The following SPATA6L variants were observed in gnomAD, a reference collection of about 807,000 sequenced individuals.
SPATA6L encodes spermatogenesis associated 6-like protein.
SPATA6L carries 68 observed loss-of-function variants against 49.2 expected under a neutral mutation model. That is an observed-to-expected ratio of 1.38 (90% CI 1.14 to 1.69). The LOEUF is 1.69. Among genes scored for constraint, SPATA6L ranks in the 40% most tolerant of loss-of-function variants. The pLI is 0.00. For missense variants in SPATA6L, 668 were observed against 464.3 expected (o/e 1.44, Z -4.03); for synonymous variants, 198 against 165.7 (o/e 1.19, Z -1.50).
chr9:4,621,598 C>T (rs190293028), intron 7 of SPATA6L, among the ~76,000 whole-genome samples: 9 of 152,268 alleles, frequency 5.9e-5, no homozygotes, highest in Non-Finnish European at 2.9e-5. Context: ...AAGCGATTCT[C>T]CTGCCTCAGC....
At chr9:4,618,928 G>T in intron 7 of SPATA6L, 30 bp from the exon 8 acceptor site, 1 of 1,608,296 alleles carries the variant, frequency 6.2e-7, no homozygotes, top group South Asian at 1.1e-5. Context: ...GCATTTCAAT[G>T]ACTCATTATT....
intron 9 of SPATA6L, among the ~76,000 whole-genome samples, chr9:4,613,793 A>C (rs1395989973): frequency 6.6e-6 from 1 of 152,162 alleles, no homozygotes; most frequent in Non-Finnish European, 1.5e-5. Context: ...CTTGTTGGCC[A>C]GGCTGGTCTT....
At chr9:4,651,663 T>A (rs1369759531) in intron 3 of SPATA6L, among the ~76,000 whole-genome samples, 2 of 149,660 alleles carry the variant, frequency 1.3e-5, no homozygotes, top group African/African-American at 2.5e-5. Context: ...GTTTAATATC[T>A]AAAAATCACA....
At chr9:4,612,935 T>C (rs1360860028) in intron 9 of SPATA6L, among the ~76,000 whole-genome samples, 1 of 152,110 alleles carries the variant, frequency 6.6e-6, no homozygotes, top group Non-Finnish European at 1.5e-5. Context: ...CAAAGAATTA[T>C]AGCCACTTGG....
downstream of SPATA6L, among the ~76,000 whole-genome samples, chr9:4,596,136 G>A (rs1341928837): frequency 1.3e-5 from 2 of 152,140 alleles, no homozygotes; most frequent in Non-Finnish European, 2.9e-5. Flanking sequence ...CTCGTTTAAG[G>A]TCTCATTGCC....
intron 3 of SPATA6L, among the ~76,000 whole-genome samples, chr9:4,640,409 C>A (rs1392708660): frequency 1.3e-5 from 2 of 152,088 alleles, no homozygotes; most frequent in Non-Finnish European, 2.9e-5. Flanking sequence ...CATAACATGT[C>A]TTTTGAGTAT....
chr9:4,604,291 CA>C, intron 10 of SPATA6L, 22 bp from the exon 11 acceptor site: 1 of 1,501,662 alleles, frequency 6.7e-7, no homozygotes, highest in Non-Finnish European at 9.3e-7. Flanking sequence ...ACAAATCCAG[CA>C]ATTATGTTAC....
chr9:4,659,760 G>A (rs1406385872), intron 2 of SPATA6L, among the ~76,000 whole-genome samples: 21 of 152,102 alleles, frequency 1.4e-4, no homozygotes, highest in Non-Finnish European at 2.9e-4. Flanking sequence ...GAAGCATCAC[G>A]CTACCTGACT....
chr9:4,623,727 C>A (rs1312945186), intron 6 of SPATA6L, among the ~76,000 whole-genome samples: 2 of 152,090 alleles, frequency 1.3e-5, no homozygotes, highest in Non-Finnish European at 2.9e-5. Context: ...AAGTTTTAAT[C>A]CCCTAAGAAA....
Position 4,662,550 on chromosome 9 carries a change from C to A in SPATA6L, c.40-514G>T. The stretch of plus-strand genomic sequence containing the variant: ...CGTGGACCCCACCTGCGCCCGGCTC[C>A]GTGCATCGGAGAGCCCAGTTCACCG... On this transcript the variant is annotated intron_variant, in intron 1 of 11. Coordinates refer to ENST00000682582, the MANE Select transcript of SPATA6L (RefSeq NM_001353486.2). This position sits in a 1 kb window ranked among gnomAD's most constrained non-coding sequence, Gnocchi z 4.9. The A allele has an allele frequency of 1.3e-6, 2 of 1,574,140 alleles. No homozygotes were observed. The highest frequency in any genetic ancestry group is 1.7e-6 in the Non-Finnish European group (2 of 1,169,396).
chr9:4,655,386 T>C (rs955807859), intron 3 of SPATA6L, among the ~76,000 whole-genome samples: 2 of 152,226 alleles, frequency 1.3e-5, no homozygotes, highest in African/African-American at 4.8e-5. Context: ...CTAGGAGGGC[T>C]GGTGGGGAAT....
chr9:4,642,034 C>G (rs1210125212), intron 3 of SPATA6L, among the ~76,000 whole-genome samples: 1 of 152,214 alleles, frequency 6.6e-6, no homozygotes, highest in East Asian at 1.9e-4. Context: ...TCTCAAAGTG[C>G]TGGGATTACA....
rs1254618338 is a variant in SPATA6L, at chr9:4,600,543, C to G, written c.*268G>C. The stretch of plus-strand genomic sequence containing the variant: ...CAGATAAGCACCTGCCACCCAACTA[C>G]AGCGCTTTCTCTTTCATGTTCAAAA... On this transcript the variant is annotated 3_prime_UTR_variant, in exon 12 of 12. Transcript: ENST00000682582. The G allele has an allele frequency of 7.4e-6, 1 of 134,732 alleles. No individual in the cohort carries two copies. The highest frequency in any genetic ancestry group is 1.7e-5 in the Non-Finnish European group (1 of 60,422). The allele number at this position is 134,732 out of a possible 1,614,324, so 8.3% of individuals were successfully genotyped here.
chr9:4,591,641 A>G (rs1821905148), intron 13 of SPATA6L, among the ~76,000 whole-genome samples: 1 of 152,336 alleles, frequency 6.6e-6, no homozygotes, highest in East Asian at 1.9e-4. Context: ...AGAAAGGTTA[A>G]GGTAGAAAGA....
At chr9:4,648,621 A>G (rs1181608831) in intron 3 of SPATA6L, among the ~76,000 whole-genome samples, 3 of 151,574 alleles carry the variant, frequency 2.0e-5, no homozygotes, top group South Asian at 2.1e-4. Flanking sequence ...AATGGCGTGA[A>G]CCCGGGAGGC....
intron 9 of SPATA6L, among the ~76,000 whole-genome samples, chr9:4,607,549 T>G (rs1825603246): frequency 6.6e-6 from 1 of 152,104 alleles, no homozygotes; most frequent in Non-Finnish European, 1.5e-5. Flanking sequence ...AAACTAAGCT[T>G]CATAAGTGAA....
At chr9:4,628,528 C>G (rs1232350950) in intron 5 of SPATA6L, 3 of 152,440 alleles carry the variant, frequency 2.0e-5, no homozygotes, top group Admixed American at 6.6e-5. Context: ...CTCACTGCAG[C>G]CTTGACCTCC....
rs1587601669 is a variant in SPATA6L, at chr9:4,666,323, G to A, written c.-73C>T. 6.6e-7 allele frequency: 1 copy of A among 1,525,160 alleles called. No individual in the cohort carries two copies. The highest frequency in any genetic ancestry group is 9.1e-7 in the Non-Finnish European group (1 of 1,101,328). 94.5% of individuals were successfully genotyped at this position (1,525,160 alleles called of 1,614,324 possible). ...CCGAGCCTTGGACCAATTTTTCTTA[G>A]TTTAGCTGAATACCTAGAGCAAATG... On this transcript the variant is annotated 5_prime_UTR_variant, in exon 1 of 12. Transcript: ENST00000682582.
At chr9:4,652,783 G>A (rs1179867921) in intron 3 of SPATA6L, among the ~76,000 whole-genome samples, 2 of 149,560 alleles carry the variant, frequency 1.3e-5, no homozygotes, top group East Asian at 3.9e-4. Flanking sequence ...AGAGGGTGCA[G>A]TGAGCAGAGA....
Sources: allele counts gnomAD v4.1 joint callset (sites outside exome capture counted in the v4.1 genomes callset), GRCh38; gene constraint gnomAD v4.1.1; non-coding constraint Gnocchi (gnomAD v3.1); transcripts MANE v1.5; gene names NCBI Gene and HGNC (gene_info 2026-07-23, HGNC 2026-07-21).